PPP2R2C: variants seen among roughly 807,000 people sequenced by gnomAD.
PPP2R2C encodes the protein protein phosphatase 2 regulatory subunit Bgamma.
PPP2R2C carries 10 observed loss-of-function variants against 45.3 expected under a neutral mutation model. The ratio of observed to expected loss-of-function variants is 0.22; its 90% confidence interval spans 0.14 to 0.37. PPP2R2C has a LOEUF of 0.37. Among genes scored for constraint, PPP2R2C ranks in the 10% least tolerant of loss-of-function variants. PPP2R2C has a pLI of 1.00. For missense variants in PPP2R2C, 308 were observed against 619.7 expected, an observed-to-expected ratio of 0.50 and a Z score of 5.34; for synonymous variants, 257 against 245.4, an observed-to-expected ratio of 1.05 and a Z score of -0.44.
chr4:6,325,250 A>G (rs551592536), intron 8 of PPP2R2C, among the ~76,000 whole-genome samples: 69 of 152,052 alleles, frequency 4.5e-4, no homozygotes, highest in South Asian at 6.3e-4. Context: ...TAGGCTGAAC[A>G]CCCCGCACAG....
chr4:6,512,969 C>G (rs1024742958), intron 2 of PPP2R2C, among the ~76,000 whole-genome samples: 5 of 151,942 alleles, frequency 3.3e-5, no homozygotes, highest in Non-Finnish European at 5.9e-5. Context: ...GTCCACATAT[C>G]AGGATAAAAA....
intron 2 of PPP2R2C, among the ~76,000 whole-genome samples, chr4:6,521,947 T>G (rs1216718740): frequency 1.3e-5 from 2 of 152,206 alleles, no homozygotes; most frequent in Non-Finnish European, 2.9e-5. Context: ...TTGCTCTTAT[T>G]GGGTTCTGTT....
intron 3 of PPP2R2C, among the ~76,000 whole-genome samples, chr4:6,377,321 G>A (rs1715397908): frequency 6.6e-6 from 1 of 152,154 alleles, no homozygotes. Context: ...GCTCAGGAAA[G>A]CAAGGTCACT....
intron 1 of PPP2R2C, among the ~76,000 whole-genome samples, chr4:6,460,080 T>C (rs889910816): frequency 1.3e-5 from 2 of 152,174 alleles, no homozygotes; most frequent in African/African-American, 4.8e-5. Flanking sequence ...AGCATGGAAC[T>C]CTTTAAAATA....
intron 2 of PPP2R2C, among the ~76,000 whole-genome samples, chr4:6,520,220 G>A (rs187909791): frequency 2.0e-3 from 306 of 152,252 alleles, no homozygotes; most frequent in African/African-American, 6.9e-3. Flanking sequence ...CCCCAGGGTG[G>A]GAGATGTGCA....
chr4:6,362,199 G>A (rs1420111911), intron 5 of PPP2R2C, among the ~76,000 whole-genome samples: 1 of 152,088 alleles, frequency 6.6e-6, no homozygotes, highest in African/African-American at 2.4e-5. Context: ...CAAAAGGAGA[G>A]GAGTTCTAAG....
At position 6,332,052 on chromosome 4, in the gene PPP2R2C, C is replaced by A. The variant is rs1040756886; in HGVS notation, c.960+1510G>T. ...CTCCAGAACAGTCATTCCCCTCCTT[C>A]GTGGGGTCCTTCATGAGAATTTCAG... On this transcript the variant is annotated intron_variant, in intron 7 of 8. Coordinates refer to ENST00000382599, the MANE Select transcript of PPP2R2C (RefSeq NM_020416.4). This position sits in a 1 kb window ranked among gnomAD's most constrained non-coding sequence, Gnocchi z 4.9. 2.0e-5 allele frequency among the ~76,000 whole-genome samples: 3 copies of A among 152,352 alleles called. No individual in the cohort carries two copies. In the South Asian group the frequency reaches 6.2e-4, roughly 32 times the overall value.
At chr4:6,511,000 A>AAACC (rs1723426279) in intron 2 of PPP2R2C, among the ~76,000 whole-genome samples, 1 of 150,066 alleles carries the variant, frequency 6.7e-6, no homozygotes, top group African/African-American at 2.5e-5. Flanking sequence ...CAAACAAACA[A>AAACC]AAAAAAAAAC....
intron 6 of PPP2R2C, among the ~76,000 whole-genome samples, chr4:6,337,661 G>A (rs57529778): frequency 0.063 from 9,511 of 152,154 alleles, 1,006 homozygotes; most frequent in African/African-American, 0.22. Flanking sequence ...AGGGGGCACC[G>A]GTGCTGGGTG....
At chr4:6,545,423 G>A (rs1369982352) in intron 1 of PPP2R2C, among the ~76,000 whole-genome samples, 2 of 152,202 alleles carry the variant, frequency 1.3e-5, no homozygotes, top group African/African-American at 4.8e-5. Context: ...AGGTATGCCA[G>A]AAGACTAATC....
intron 1 of PPP2R2C, among the ~76,000 whole-genome samples, chr4:6,425,813 CTGTGTGTG>C (rs147253945): frequency 6.7e-6 from 1 of 148,456 alleles, no homozygotes; most frequent in South Asian, 2.2e-4. Context: ...CGATGCTTGG[CTGTGTGTG>C]TGTGTGTGTG....
chr4:6,449,905 A>C (rs895296174), intron 1 of PPP2R2C, among the ~76,000 whole-genome samples: 2 of 152,220 alleles, frequency 1.3e-5, no homozygotes, highest in African/African-American at 4.8e-5. Context: ...AGAGGACTGA[A>C]AACAGCCCCA....
chr4:6,349,528 C>T (rs1311830293), intron 5 of PPP2R2C: 37 of 985,400 alleles, frequency 3.8e-5, no homozygotes, highest in Non-Finnish European at 4.5e-5. Context: ...AATCCATCTG[C>T]CCTCCCTCTT....
At chr4:6,357,910 C>A (rs912642067) in intron 5 of PPP2R2C, among the ~76,000 whole-genome samples, 7 of 152,148 alleles carry the variant, frequency 4.6e-5, no homozygotes, top group African/African-American at 1.7e-4. Flanking sequence ...CTCGGGCATG[C>A]AGAGGTTTTT....
intron 2 of PPP2R2C, chr4:6,380,200 G>A (rs1715673309): frequency 6.6e-6 from 1 of 152,548 alleles, no homozygotes; most frequent in Admixed American, 6.5e-5. Context: ...TGGCTTCTCT[G>A]AGTTTCCGCA....
intron 2 of PPP2R2C, among the ~76,000 whole-genome samples, chr4:6,510,989 ACAAAC>A (rs1392702079): frequency 4.6e-4 from 30 of 65,602 alleles, no homozygotes; most frequent in East Asian, 1.8e-3. Context: ...ACAAAAAAAA[ACAAAC>A]AAACAAAAAA....
chr4:6,367,976 A>T (rs73798212), intron 5 of PPP2R2C, among the ~76,000 whole-genome samples: 10,094 of 152,278 alleles, frequency 0.066, 580 homozygotes, highest in African/African-American at 0.16. Flanking sequence ...TCTATCACTA[A>T]GGCCAGGGTG....
chr4:6,512,479 G>A (rs1209183456), intron 2 of PPP2R2C, among the ~76,000 whole-genome samples: 1 of 122,682 alleles, frequency 8.2e-6, no homozygotes. Context: ...GGTGGTAGTG[G>A]TGGTGATGGT....
In PPP2R2C at chr4:6,411,377, C is replaced by T. The variant is rs149411070; in HGVS notation, c.71-30283G>A. On this transcript the variant is annotated intron_variant, in intron 1 of 8. Transcript: ENST00000382599. ...ATACTGGAGCTGATGGCGTGACGCT[C>T]CCAGCCCAGGCTGGCACACAGCAGG... Among the ~76,000 whole-genome samples, 413 of 152,118 alleles carry T rather than the reference C, an allele frequency of 2.7e-3. 4 individuals are homozygous for T. Among genetic ancestry groups the T allele is most frequent in the African/African-American group, 9.2e-3 (383 of 41,506 alleles).
Sources: gnomAD v4.1 joint callset for allele counts (sites outside exome capture counted in the v4.1 genomes callset) on GRCh38, gnomAD v4.1.1 for gene constraint, Gnocchi (gnomAD v3.1) non-coding constraint, MANE v1.5 for transcripts, NCBI Gene and HGNC (gene_info 2026-07-23, HGNC 2026-07-21) for gene names.